Variants in LRRC37A3 observed in about 807,000 individuals in gnomAD.
LRRC37A3 encodes the protein leucine rich repeat containing 37 member A3.
LRRC37A3 carries 25 observed loss-of-function variants against 106.2 expected under a neutral mutation model. The ratio of observed to expected loss-of-function variants is 0.24; its 90% CI spans 0.17 to 0.33. The LOEUF (loss-of-function observed/expected upper bound fraction) is 0.33, where lower values mean the gene tolerates loss of function less well. LRRC37A3 is among the 10% of genes least tolerant of loss of function. LRRC37A3 has a pLI of 1.00. For missense variants in LRRC37A3, 712 were observed against 1,644.9 expected (o/e 0.43, Z 9.81); for synonymous variants, 305 against 635.8 (o/e 0.48, Z 7.83).
chr17:64,866,628 A>ATATATATATATTT (rs1491179388), intron 10 of LRRC37A3, among the ~76,000 whole-genome samples: 1 of 17,868 alleles, frequency 5.6e-5, no homozygotes, highest in African/African-American at 2.7e-4. Flanking sequence ...ATATATATAT[A>ATATATATATATTT]TTTTTTTTTT....
chr17:64,860,849 G>T lies in LRRC37A3; in HGVS notation c.3297C>A (p.Asn1099Lys), dbSNP rs149328120. 9 of 1,614,228 alleles carry T rather than the reference G, an allele frequency of 5.6e-6. No individual in the cohort carries two copies. The African/African-American group carries it at 1.2e-4, about 22-fold the overall frequency. Residue 1099 changes from asparagine (N) to lysine (K), a missense_variant, in exon 12 of 15, where the codon AAC (asparagine) becomes AAA (lysine). Coordinates refer to ENST00000584306, the MANE Select transcript of LRRC37A3 (RefSeq NM_199340.5). ...PEEPSDSSGI[N>K]LSGFGSEQLD... ...GCTGCTCACTCCCAAAGCCTGACAA[G>T]TTGATGCCACTGCTGTCTGAGGGCT...
intron 1 of LRRC37A3, 59 bp from the exon 2 acceptor site, chr17:64,918,929 C>G (rs1439534518): frequency 1.1e-6 from 1 of 885,912 alleles, no homozygotes; most frequent in Admixed American, 4.6e-5. Context: ...GACTACACCA[C>G]TTTGTTGACG....
chr17:64,899,481 C>T (rs1164108272), intron 2 of LRRC37A3, among the ~76,000 whole-genome samples: 1 of 138,506 alleles, frequency 7.2e-6, no homozygotes, highest in Admixed American at 6.9e-5. Flanking sequence ...CTCCATTATA[C>T]GCTTACGGAA....
In LRRC37A3 at chr17:64,879,712, C is replaced by A. The variant is rs998785814; in HGVS notation, c.2906+6374G>T. On this transcript the variant is annotated intron_variant, in intron 8 of 14. Coordinates refer to ENST00000584306, the MANE Select transcript of LRRC37A3 (RefSeq NM_199340.5). ...TGTAAGACCACTGGTGGGCTCTGTACAAAGTCGGCTACCCCCTCATTCTAT... is the reference window on the plus strand; with the variant it reads ...TGTAAGACCACTGGTGGGCTCTGTAAAAAGTCGGCTACCCCCTCATTCTAT... 1.2e-3 allele frequency among the ~76,000 whole-genome samples: 183 copies of A among 152,248 alleles called. 1 individual carries two copies. The highest frequency in any genetic ancestry group is 4.0e-3 in the African/African-American group (167 of 41,532).
intron 10 of LRRC37A3, among the ~76,000 whole-genome samples, chr17:64,864,202 G>A (rs536499877): frequency 2.0e-4 from 31 of 152,068 alleles, no homozygotes; most frequent in African/African-American, 4.8e-4. Flanking sequence ...GGCCATCTGC[G>A]GTTACGAGGC....
intron 11 of LRRC37A3, 65 bp from the exon 12 acceptor site, chr17:64,861,038 G>A: frequency 6.2e-7 from 1 of 1,609,694 alleles, no homozygotes; most frequent in South Asian, 1.1e-5. Context: ...TCAGTCCATA[G>A]CTGTACACTC....
chr17:64,909,747 CAA>C, intron 2 of LRRC37A3: 1 of 152,184 alleles, frequency 6.6e-6, no homozygotes, highest in Non-Finnish European at 1.5e-5. Context: ...GAAGCTTAAC[CAA>C]AGACATTAAT....
rs779802843 is a variant in LRRC37A3 at position 64,858,818 on chromosome 17, T to C, written c.4770A>G (p.Gly1590=). The C allele has an allele frequency of 1.2e-6, 2 of 1,613,594 alleles. No individual in the cohort carries two copies. The highest frequency in any genetic ancestry group is 2.2e-5 in the South Asian group (2 of 91,058). The change falls in exon 13 of 15, where the codon GGA becomes GGG. Residue 1590 remains glycine, a synonymous_variant. Coordinates refer to ENST00000584306, the MANE Select transcript of LRRC37A3 (RefSeq NM_199340.5). ...GAAGTATAATCAAAATCGTTAGTAT[T>C]CCAGTCACAATTAACGCCAAGATGA... is the stretch of plus-strand genomic sequence containing the variant. The part of the protein sequence containing the change: ...KKLILALIVT[G]ILTILIILLC...
At chr17:64,873,749 C>A (rs1973403421) in intron 8 of LRRC37A3, among the ~76,000 whole-genome samples, 1 of 151,232 alleles carries the variant, frequency 6.6e-6, no homozygotes, top group African/African-American at 2.4e-5. Context: ...CTCTGAGGAA[C>A]AGAAATAAAA....
chr17:64,872,966 A>C (rs1050619222), intron 8 of LRRC37A3, among the ~76,000 whole-genome samples: 7 of 152,242 alleles, frequency 4.6e-5, no homozygotes, highest in Admixed American at 6.5e-5. Flanking sequence ...GGCAAAAACT[A>C]GGAGACTTAT....
At position 64,860,265 on chromosome 17, in the gene LRRC37A3, G is replaced by C; in HGVS notation, c.3881C>G (p.Thr1294Arg). Reference protein sequence around the residue: ...SAKARVTNMKTSKPIVHSRKK... With the variant: ...SAKARVTNMKRSKPIVHSRKK... Reference sequence around the variant, plus strand: ...TCTGGAATGTACGATGGGTTTAGATGTCTTCATATTTGTAACTCTAGCCTT... The same window carrying C: ...TCTGGAATGTACGATGGGTTTAGATCTCTTCATATTTGTAACTCTAGCCTT... The change falls in exon 12 of 15, where the codon ACA (threonine) becomes AGA (arginine). Residue 1294 changes from threonine (T) to arginine (R), a missense_variant. Physicochemically the swap from Thr to Arg is moderately conservative, Grantham distance 71 (BLOSUM62 -1). Transcript: ENST00000584306. The C allele has an allele frequency of 6.2e-7, 1 of 1,614,004 alleles. No individual in the cohort carries two copies. Among genetic ancestry groups the C allele is most frequent in the Non-Finnish European group, 8.5e-7 (1 of 1,179,864 alleles).
chr17:64,873,143 C>A (rs1020991149), intron 8 of LRRC37A3, among the ~76,000 whole-genome samples: 1 of 150,308 alleles, frequency 6.7e-6, no homozygotes, highest in Non-Finnish European at 1.5e-5. Flanking sequence ...AGGAGTAACA[C>A]CAAACCCTGG....
At chr17:64,872,647 A>G (rs1249132028) in intron 8 of LRRC37A3, among the ~76,000 whole-genome samples, 1 of 152,200 alleles carries the variant, frequency 6.6e-6, no homozygotes, top group Non-Finnish European at 1.5e-5. Flanking sequence ...AGTTTGGGGG[A>G]AAAAAGCCTA....
At chr17:64,918,530 C>G (rs1406848625) in intron 2 of LRRC37A3, among the ~76,000 whole-genome samples, 2 of 152,052 alleles carry the variant, frequency 1.3e-5, no homozygotes, top group Non-Finnish European at 2.9e-5. Context: ...AAAGTTATTC[C>G]AATCAAAGCA....
chr17:64,914,284 C>A (rs898074077), intron 2 of LRRC37A3, among the ~76,000 whole-genome samples: 1 of 152,096 alleles, frequency 6.6e-6, no homozygotes, highest in Non-Finnish European at 1.5e-5. Flanking sequence ...AGGGGCTGGG[C>A]GCAGTGGCTC....
Position 64,887,462 on chromosome 17 carries a change from T to C in LRRC37A3, c.2754-576A>G, listed in dbSNP as rs866442567. 1.1e-3 allele frequency among the ~76,000 whole-genome samples: 57 copies of C among 50,076 alleles called. 16 individuals carry two copies. The highest frequency in any genetic ancestry group is 5.8e-3 in the African/African-American group (54 of 9,234). The allele number at this position is 50,076 out of a possible 152,430, so 32.9% of individuals were successfully genotyped here. On this transcript the variant is annotated intron_variant, in intron 6 of 14. Transcript: ENST00000584306. ...GGCGGACCTTGCAGTGAGCCAAGAT[T>C]GCACCACTGCACTCCAGCCTGGGCG...
chr17:64,917,738 C>T (rs1469758544), intron 2 of LRRC37A3, among the ~76,000 whole-genome samples: 5 of 152,036 alleles, frequency 3.3e-5, no homozygotes, highest in Admixed American at 6.5e-5. Flanking sequence ...AGGCCGAGGC[C>T]GGCGGATTAC....
intron 8 of LRRC37A3, among the ~76,000 whole-genome samples, chr17:64,876,443 C>T (rs1363016015): frequency 6.6e-6 from 1 of 151,970 alleles, no homozygotes; most frequent in African/African-American, 2.4e-5. Context: ...CCGCAGCCTC[C>T]CAAAGTGCTA....
intron 2 of LRRC37A3, among the ~76,000 whole-genome samples, chr17:64,905,178 T>C (rs1216684527): frequency 6.6e-6 from 1 of 150,994 alleles, no homozygotes; most frequent in East Asian, 1.9e-4. Context: ...AAAGTCTGTA[T>C]TGTAAGACAG....
Sources: gnomAD v4.1 joint callset for allele counts (sites outside exome capture counted in the v4.1 genomes callset) on GRCh38, gnomAD v4.1.1 for gene constraint, MANE v1.5 for transcripts, NCBI Gene and HGNC (gene_info 2026-07-23, HGNC 2026-07-21) for gene names.